CFAP69: variants seen among roughly 807,000 people sequenced by gnomAD.
CFAP69 encodes cilia- and flagella-associated protein 69.
CFAP69 carries 92 observed loss-of-function variants against 123.0 expected under a neutral mutation model. The ratio of observed to expected loss-of-function variants is 0.75; its 90% CI spans 0.63 to 0.89. The LOEUF is 0.89. Ranked by LOEUF, CFAP69 falls within the 40% of genes least tolerant of loss-of-function variation. The probability of loss-of-function intolerance (pLI) is 0.00; values close to 1 mark genes in which losing one functional copy is unlikely to be tolerated. For missense variants in CFAP69, 1,067 were observed against 1,096.9 expected (o/e 0.97, Z 0.39); for synonymous variants, 380 against 364.3 (o/e 1.04, Z -0.49).
chr7:90,271,588 A>G lies in CFAP69; in HGVS notation c.595A>G (p.Thr199Ala). 4 of 1,613,458 alleles carry G rather than the reference A, an allele frequency of 2.5e-6. No individual in the cohort carries two copies. Among genetic ancestry groups the G allele is most frequent in the Non-Finnish European group, 3.4e-6 (4 of 1,179,682 alleles). ...QMAEVGGLAK[T>A]MVQSMTLLEN... ...GGCTGAAGTTGGAGGATTAGCAAAA[A>G]CAATGGTCCAGTCAATGACCTTGCT... The change falls in exon 7 of 23, where the codon ACA becomes GCA. Residue 199 changes from threonine to alanine, a missense_variant. Coordinates refer to ENST00000389297, the MANE Select transcript of CFAP69 (RefSeq NM_001039706.3).
chr7:90,307,115 G>T lies in CFAP69; in HGVS notation c.2463+17G>T, dbSNP rs2117444647. ...TATGCAAAAGTAAGCTACATAGGTA[G>T]TGAGGAGGGAGAATGAAGATAGGTT... On this transcript the variant is annotated intron_variant, in intron 20 of 22. Coordinates refer to ENST00000389297, the MANE Select transcript of CFAP69 (RefSeq NM_001039706.3). The T allele has an allele frequency of 1.0e-5, 16 of 1,596,524 alleles. No individual in the cohort carries two copies. Among genetic ancestry groups the T allele is most frequent in the Non-Finnish European group, 1.4e-5 (16 of 1,170,140 alleles).
chr7:90,271,856 C>T lies in CFAP69; in HGVS notation c.758C>T (p.Ser253Phe). The stretch of plus-strand genomic sequence containing the variant: ...ACTCACCTCAATGACCCAGATCCCT[C>T]TGGACAGCTTTTATTTCGTTCATCA... ...ICTHLNDPDP[S>F]GQLLFRSSEI... The change falls in exon 8 of 23, where the codon TCT (serine) becomes TTT (phenylalanine). Residue 253 changes from serine to phenylalanine, a missense_variant. By Grantham distance (155) the Ser-to-Phe change is radical (BLOSUM62 -2). Transcript: ENST00000389297. 3 of 1,607,224 alleles carry T rather than the reference C, an allele frequency of 1.9e-6. No individual in the cohort carries two copies. In the Admixed American group the frequency reaches 5.1e-5, roughly 27 times the overall value.
chr7:90,293,184 T>C (rs1337456357), intron 15 of CFAP69, among the ~76,000 whole-genome samples: 1 of 152,224 alleles, frequency 6.6e-6, no homozygotes, highest in Non-Finnish European at 1.5e-5. Context: ...TGTTTCACAT[T>C]TGACAATGCT....
chr7:90,270,801 G>T (rs1297447742), intron 6 of CFAP69, among the ~76,000 whole-genome samples: 3 of 152,060 alleles, frequency 2.0e-5, no homozygotes, highest in Admixed American at 1.3e-4. Context: ...CCCTCTAGTT[G>T]AATGTAATTA....
At chr7:90,320,185 T>A in the CFAP69 span, among the ~76,000 whole-genome samples, 3 of 152,232 alleles carry the variant, frequency 2.0e-5, no homozygotes, top group Non-Finnish European at 2.9e-5. Context: ...CCTTTCTACA[T>A]GTAACATAGG....
At chr7:90,306,118 G>C (rs1793552581) in intron 19 of CFAP69, among the ~76,000 whole-genome samples, 1 of 150,702 alleles carries the variant, frequency 6.6e-6, no homozygotes, top group South Asian at 2.1e-4. Context: ...TTTTATTGGG[G>C]GGGGGCGGGG....
intron 5 of CFAP69, 138 bp downstream of exon 5, chr7:90,265,515 C>T: frequency 1.7e-6 from 1 of 579,706 alleles, no homozygotes; most frequent in Non-Finnish European, 3.1e-6. Flanking sequence ...GTGAATTAAT[C>T]ACAGTGTGCT....
chr7:90,280,745 T>A lies in CFAP69; in HGVS notation c.1372+852T>A, dbSNP rs117139862. Among the ~76,000 whole-genome samples the A allele has an allele frequency of 5.3e-5, 8 of 152,352 alleles. No homozygotes were observed. In the East Asian group the frequency reaches 1.3e-3, roughly 26 times the overall value. ...TCTTAGAAAGGAAATAAGAAATACATTCCTTTTTTAAAAAGTTTTATAAGG... is the reference window on the plus strand; with the variant it reads ...TCTTAGAAAGGAAATAAGAAATACAATCCTTTTTTAAAAAGTTTTATAAGG... On this transcript the variant is annotated intron_variant, in intron 12 of 22. Transcript: ENST00000389297.
At chr7:90,306,120 G>A (rs1793553524) in intron 19 of CFAP69, among the ~76,000 whole-genome samples, 1 of 150,418 alleles carries the variant, frequency 6.6e-6, no homozygotes, top group Non-Finnish European at 1.5e-5. Flanking sequence ...TTATTGGGGG[G>A]GGGCGGGGCG....
chr7:90,260,247 C>T (rs536651851), intron 3 of CFAP69, among the ~76,000 whole-genome samples: 11 of 152,126 alleles, frequency 7.2e-5, no homozygotes, highest in South Asian at 2.1e-4. Flanking sequence ...TTATCAAGCC[C>T]GTGCATTGTG....
the CFAP69 span, chr7:90,319,485 A>T: frequency 5.0e-6 from 2 of 398,636 alleles, no homozygotes; most frequent in East Asian, 7.1e-5. Flanking sequence ...TTAAGAAGAC[A>T]TTATAATGTC....
chr7:90,287,437 G>C, intron 14 of CFAP69: 1 of 959,072 alleles, frequency 1.0e-6, no homozygotes, highest in Non-Finnish European at 1.2e-6. Context: ...TTTGGGGTTT[G>C]AATTGGGTTC....
At chr7:90,319,843 G>C in the CFAP69 span, 1 of 397,348 alleles carries the variant, frequency 2.5e-6, no homozygotes, top group East Asian at 3.6e-5. Context: ...ACATATATTT[G>C]CTTTTGATCA....
intron 1 of CFAP69, among the ~76,000 whole-genome samples, chr7:90,252,634 T>C (rs1396719263): frequency 1.3e-5 from 2 of 152,158 alleles, no homozygotes; most frequent in African/African-American, 4.8e-5. Context: ...ATTGCACCAC[T>C]GCACTCCAGC....
rs1273972216 is a variant in CFAP69 at position 90,245,227 on chromosome 7, A to C, written c.-198A>C. On this transcript the variant is annotated 5_prime_UTR_variant, in exon 1 of 23. Coordinates refer to ENST00000389297, the MANE Select transcript of CFAP69 (RefSeq NM_001039706.3). ...GGCCCGGGATCAGAGGTCTGGGTCA[A>C]CTGGGGGGCGGCAGCGGCGCTAAGC... The C allele has an allele frequency of 1.7e-6, 1 of 597,486 alleles. No homozygotes were observed. The highest frequency in any genetic ancestry group is 2.6e-6 in the Non-Finnish European group (1 of 389,026). The allele number at this position is 597,486 out of a possible 1,614,324, so 37.0% of individuals were successfully genotyped here.
intron 4 of CFAP69, among the ~76,000 whole-genome samples, chr7:90,263,097 C>G (rs1420022418): frequency 6.6e-6 from 1 of 152,032 alleles, no homozygotes; most frequent in Admixed American, 6.5e-5. Context: ...CCTAGAATGC[C>G]AAGTTTATAA....
intron 18 of CFAP69, 50 bp downstream of exon 18, chr7:90,304,156 C>T (rs1169455992): frequency 6.8e-7 from 1 of 1,475,248 alleles, no homozygotes; most frequent in Non-Finnish European, 9.0e-7. Context: ...TAAGTATACA[C>T]ACTGATTTTA....
At chr7:90,286,660 T>A (rs1004531970) in intron 14 of CFAP69, among the ~76,000 whole-genome samples, 4 of 152,218 alleles carry the variant, frequency 2.6e-5, no homozygotes, top group African/African-American at 9.7e-5. Context: ...CCTACTCACT[T>A]CCAGACAAAC....
intron 4 of CFAP69, 131 bp downstream of exon 4, chr7:90,262,187 T>C: frequency 5.4e-6 from 3 of 560,408 alleles, no homozygotes; most frequent in East Asian, 3.6e-5. Context: ...AGTTCATCAC[T>C]TGATTCCAGC....
Sources: allele counts gnomAD v4.1 joint callset (sites outside exome capture counted in the v4.1 genomes callset), GRCh38; gene constraint gnomAD v4.1.1; transcripts MANE v1.5; gene names NCBI Gene and HGNC (gene_info 2026-07-23, HGNC 2026-07-21).